NKAPD1: variants seen among roughly 807,000 people sequenced by gnomAD.
NKAPD1 encodes NKAP domain containing 1, also known as uncharacterized protein NKAPD1.
A neutral mutation model predicts 30.9 loss-of-function variants in NKAPD1; 12 were observed. The observed-to-expected ratio is 0.39, with a 90% CI of 0.25 to 0.63. The LOEUF (loss-of-function observed/expected upper bound fraction) is 0.63, where lower values mean the gene tolerates loss of function less well. NKAPD1 is among the 20% of genes least tolerant of loss of function. The pLI is 0.51. For missense variants in NKAPD1, 311 were observed against 344.5 expected (o/e 0.90, Z 0.77); for synonymous variants, 91 against 113.6 (o/e 0.80, Z 1.26).
chr11:112,079,134 C>T (rs1211375999), intron 3 of NKAPD1, among the ~76,000 whole-genome samples: 1 of 139,266 alleles, frequency 7.2e-6, no homozygotes, highest in African/African-American at 2.6e-5. Flanking sequence ...CATAGGAGGC[C>T]CTTACAATTT....
intron 5 of NKAPD1, 163 bp from the exon 6 acceptor site, chr11:112,082,302 G>A: frequency 1.3e-6 from 1 of 741,100 alleles, no homozygotes; most frequent in African/African-American, 1.8e-5. Context: ...TAAAGATGAG[G>A]AAACAAAAAC....
At chr11:112,079,202 A>G (rs1865393668) in intron 3 of NKAPD1, among the ~76,000 whole-genome samples, 2 of 146,784 alleles carry the variant, frequency 1.4e-5, no homozygotes, top group Admixed American at 7.0e-5. Context: ...CTGGAGTGCA[A>G]TGGTGTGGTC....
intron 1 of NKAPD1, 60 bp from the exon 2 acceptor site, chr11:112,075,507 A>T (rs1238382696): frequency 7.6e-7 from 1 of 1,316,092 alleles, no homozygotes; most frequent in African/African-American, 1.5e-5. Context: ...ATAAAACTTC[A>T]AGAAAAGATA....
At position 112,074,491 on chromosome 11, in the gene NKAPD1, ACCTCAAC is replaced by A. The variant is rs1566664906; in HGVS notation, c.-431_-425del. The A allele has an allele frequency of 5.0e-6, 2 of 398,206 alleles. No homozygotes were observed. Among genetic ancestry groups the A allele is most frequent in the Non-Finnish European group, 8.9e-6 (2 of 225,846 alleles). The allele number at this position is 398,206 out of a possible 1,614,324, so 24.7% of individuals were successfully genotyped here. A position where few individuals can be genotyped will look rare whatever the true frequency, so the allele number is the denominator to read the frequency against. ...TATTTCCTCTGTCTTCCACTTGGAAACCTCAACCCCCGCTTCAGGCTCCCTAGATACT... is the reference window on the plus strand; with the variant it reads ...TATTTCCTCTGTCTTCCACTTGGAAACCCCGCTTCAGGCTCCCTAGATACT... On this transcript the variant is annotated 5_prime_UTR_variant, in exon 1 of 6. The change abolishes the stop of an existing upstream ORF in the 5' untranslated region. Coordinates refer to ENST00000393047, the MANE Select transcript of NKAPD1 (RefSeq NM_018195.4).
chr11:112,080,598 A>G (rs1477814681), intron 4 of NKAPD1, 40 bp downstream of exon 4: 2 of 1,603,458 alleles, frequency 1.2e-6, no homozygotes, highest in South Asian at 1.1e-5. Flanking sequence ...ATTTGGCCTG[A>G]GAACGTGTAC....
At chr11:112,075,771 C>G (rs1463413136) in intron 2 of NKAPD1, 128 bp downstream of exon 2, 1 of 832,902 alleles carries the variant, frequency 1.2e-6, no homozygotes, top group Non-Finnish European at 1.9e-6. Flanking sequence ...CTTCCGTACA[C>G]AGTAGGAAAT....
At chr11:112,078,983 T>A (rs902433093) in intron 3 of NKAPD1, among the ~76,000 whole-genome samples, 1 of 152,170 alleles carries the variant, frequency 6.6e-6, no homozygotes, top group East Asian at 1.9e-4. Flanking sequence ...GGCCTAGGAA[T>A]GCTTGAATAA....
Position 112,083,197 on chromosome 11 carries a change from T to C in NKAPD1, c.*225T>C. 1 of 385,922 alleles carries C rather than the reference T, an allele frequency of 2.6e-6. No homozygotes were observed. Among genetic ancestry groups the C allele is most frequent in the Non-Finnish European group, 4.6e-6 (1 of 218,218 alleles). 23.9% of individuals were successfully genotyped at this position (385,922 alleles called of 1,614,324 possible). Reference sequence around the variant, plus strand: ...TTGTTATGAAGGTTTCTTGAAGAGATTATTTTTTTTTGCAATTAATTACGT... The same window carrying C: ...TTGTTATGAAGGTTTCTTGAAGAGACTATTTTTTTTTGCAATTAATTACGT... On this transcript the variant is annotated 3_prime_UTR_variant, in exon 6 of 6. Transcript: ENST00000393047.
chr11:112,078,314 A>C lies in NKAPD1; in HGVS notation c.169A>C (p.Ser57Arg). 6.2e-7 allele frequency: 1 copy of C among 1,605,782 alleles called. No homozygotes were observed. Among genetic ancestry groups the C allele is most frequent in the South Asian group, 1.1e-5 (1 of 90,006 alleles). The change falls in exon 3 of 6, where the codon AGC becomes CGC. Residue 57 changes from serine to arginine, a missense_variant and splice_region_variant. Ser to Arg is a moderately radical substitution (Grantham distance 110). Transcript: ENST00000393047. ...AAGGAAAATGCTACCCAGCAGTTCA[A>C]GGTGAAGTTGCAGCTCTGAGAACTA... ...TKRKMLPSSS[S>R]RMRSDGFDEE... is the part of the protein sequence containing the mutation.
rs1480677057 is a variant in NKAPD1 at position 112,082,672 on chromosome 11, T to A, written c.582T>A (p.Ala194=). 1 of 1,614,006 alleles carries A rather than the reference T, an allele frequency of 6.2e-7. No individual in the cohort carries two copies. Among genetic ancestry groups the A allele is most frequent in the African/African-American group, 1.3e-5 (1 of 75,010 alleles). The change falls in exon 6 of 6, where the codon GCT becomes GCA. Residue 194 remains alanine (A), a synonymous_variant. Coordinates refer to ENST00000393047, the MANE Select transcript of NKAPD1 (RefSeq NM_018195.4). Reference sequence around the variant, plus strand: ...GTGAGTTCTCAGAAGAAACTGGGGCTTCTGGTACAAGGAAAGGGAAACAAC... The same window carrying A: ...GTGAGTTCTCAGAAGAAACTGGGGCATCTGGTACAAGGAAAGGGAAACAAC... The part of the protein sequence containing the change: ...SSSEFSEETG[A]SGTRKGKQPH...
intron 4 of NKAPD1, chr11:112,081,742 A>T (rs1865458414): frequency 2.2e-6 from 1 of 446,790 alleles, no homozygotes; most frequent in Non-Finnish European, 4.0e-6. Flanking sequence ...AGTGTTTCTT[A>T]AGGAAAGCAA....
At chr11:112,082,238 A>T in intron 5 of NKAPD1, 1 of 687,334 alleles carries the variant, frequency 1.5e-6, no homozygotes, top group Non-Finnish European at 2.4e-6. Context: ...GTTTTTATAT[A>T]TAGTATTCCA....
intron 3 of NKAPD1, among the ~76,000 whole-genome samples, chr11:112,079,141 ATTTTTTTTTT>A (rs35305300): frequency 3.4e-5 from 4 of 115,950 alleles, no homozygotes; most frequent in Admixed American, 3.1e-4. Context: ...GGCCCTTACA[ATTTTTTTTTT>A]TTTTTTTTTT....
Position 112,074,512 on chromosome 11 carries a change from T to C in NKAPD1, c.-413T>C. The C allele has an allele frequency of 2.5e-6, 1 of 399,054 alleles. No homozygotes were observed. The highest frequency in any genetic ancestry group is 4.4e-6 in the Non-Finnish European group (1 of 226,094). The allele number at this position is 399,054 out of a possible 1,614,324, so 24.7% of individuals were successfully genotyped here. On this transcript the variant is annotated 5_prime_UTR_variant, in exon 1 of 6. Transcript: ENST00000393047. ...GGAAACCTCAACCCCCGCTTCAGGC[T>C]CCCTAGATACTTTCTGGGGCCCAAC...
At position 112,074,337 on chromosome 11, in the gene NKAPD1, C is replaced by G. The variant is rs1555185288; in HGVS notation, c.-588C>G. On this transcript the variant is annotated 5_prime_UTR_variant, in exon 1 of 6. Transcript: ENST00000393047. The stretch of plus-strand genomic sequence containing the variant: ...ACCACTTCTTCCCCCCTACCCCCCG[C>G]CACGCGAGGCTGCGGCGCACGGTAT... 2.5e-6 allele frequency: 1 copy of G among 399,308 alleles called. No individual in the cohort carries two copies. The highest frequency in any genetic ancestry group is 4.4e-6 in the Non-Finnish European group (1 of 226,260). The allele number at this position is 399,308 out of a possible 1,614,324, so 24.7% of individuals were successfully genotyped here. A position where few individuals can be genotyped will look rare whatever the true frequency, so the allele number is the denominator to read the frequency against.
At position 112,082,940 on chromosome 11, in the gene NKAPD1, G is replaced by A. The variant is rs767248401; in HGVS notation, c.850G>A (p.Glu284Lys). ...CACAAATTGGAAAGTAGCTACAGATGAAAGGTCTGCTGAGAGCTCAGAGGA... is the reference window on the plus strand; with the variant it reads ...CACAAATTGGAAAGTAGCTACAGATAAAAGGTCTGCTGAGAGCTCAGAGGA... ...KRTNWKVATD[E>K]RSAESSEDD Residue 284 changes from glutamate (E) to lysine (K), a missense_variant, in exon 6 of 6, where the codon GAA (glutamate) becomes AAA (lysine). Transcript: ENST00000393047. 6.2e-7 allele frequency: 1 copy of A among 1,605,614 alleles called. No individual in the cohort carries two copies. Among genetic ancestry groups the A allele is most frequent in the African/African-American group, 1.4e-5 (1 of 73,964 alleles).
rs1433960106 is a variant in NKAPD1 at position 112,082,027 on chromosome 11, AACAG to A, written c.371_374del (p.Asp124ValfsTer17). On this transcript the variant is annotated frameshift_variant, in exon 5 of 6. Transcript: ENST00000393047. LOFTEE classifies it high-confidence loss of function. ...AAGAGTTATACCCTGAAGAATTTGAAACAGACAGGTAAGGAAAATAGGCTTACTG... is the reference window on the plus strand; with the variant it reads ...AAGAGTTATACCCTGAAGAATTTGAAACAGGTAAGGAAAATAGGCTTACTG... 5 of 1,610,934 alleles carry A rather than the reference AACAG, an allele frequency of 3.1e-6. No individual in the cohort carries two copies. The highest frequency in any genetic ancestry group is 4.2e-6 in the Non-Finnish European group (5 of 1,177,480).
intron 2 of NKAPD1, among the ~76,000 whole-genome samples, chr11:112,076,608 CATGTATTATATACTGTATTCTTAT>C (rs1388804830): frequency 2.0e-5 from 3 of 152,148 alleles, no homozygotes; most frequent in Non-Finnish European, 4.4e-5. Context: ...TTTTATGTTA[CATGTATTATATACTGTATTCTTAT>C]AGTAAAGTAG....
In NKAPD1 at chr11:112,083,149, T is replaced by A. The variant is rs952524730; in HGVS notation, c.*177T>A. On this transcript the variant is annotated 3_prime_UTR_variant, in exon 6 of 6. Coordinates refer to ENST00000393047, the MANE Select transcript of NKAPD1 (RefSeq NM_018195.4). ...TGGCGTTAAGCTTGATCCCCTTTTC[T>A]TGTTAAAAGGGAATCTGGTATTTTG... 1.8e-6 allele frequency: 1 copy of A among 566,904 alleles called. No homozygotes were observed. Among genetic ancestry groups the A allele is most frequent in the Non-Finnish European group, 2.9e-6 (1 of 350,842 alleles). 35.1% of individuals were successfully genotyped at this position (566,904 alleles called of 1,614,324 possible).
Sources: allele counts gnomAD v4.1 joint callset (sites outside exome capture counted in the v4.1 genomes callset), GRCh38; gene constraint gnomAD v4.1.1; transcripts MANE v1.5; gene names NCBI Gene and HGNC (gene_info 2026-07-23, HGNC 2026-07-21).